Variants in CACNA2D1 observed in about 807,000 individuals in gnomAD.
CACNA2D1 encodes voltage-dependent calcium channel subunit alpha-2/delta-1.
A neutral mutation model predicts 171.5 loss-of-function variants in CACNA2D1; 53 were observed. The ratio of observed to expected loss-of-function variants is 0.31; its 90% CI spans 0.25 to 0.39. The LOEUF (loss-of-function observed/expected upper bound fraction) is 0.39, where lower values mean the gene tolerates loss of function less well. Among genes scored for constraint, CACNA2D1 ranks in the 10% least tolerant of loss-of-function variants. CACNA2D1 has a pLI of 1.00. For missense variants in CACNA2D1, 903 were observed against 1,299.8 expected (o/e 0.69, Z 4.69); for synonymous variants, 442 against 443.1 (o/e 1.00, Z 0.03).
rs200052747 is a variant in CACNA2D1 at position 82,071,476 on chromosome 7, G to A, written c.659-4952C>T. ...ATATTTGGGCAGCAATGGGAATAGG[G>A]TAGAGAAAATAACTGGCATAATTCT... On this transcript the variant is annotated intron_variant, in intron 7 of 38. Transcript: ENST00000356860. Among the ~76,000 whole-genome samples, 3 of 152,224 alleles carry A rather than the reference G, an allele frequency of 2.0e-5. 1 individual carries two copies.
chr7:82,111,442 A>ATTT (rs1228823349), intron 6 of CACNA2D1, among the ~76,000 whole-genome samples: 37 of 98,840 alleles, frequency 3.7e-4, no homozygotes, highest in African/African-American at 7.5e-4. Flanking sequence ...ATATATATAT[A>ATTT]TATTTTTTTT....
At position 82,443,698 on chromosome 7, in the gene CACNA2D1, G is replaced by T. The variant is rs1315825358; in HGVS notation, c.-239C>A. 4.9e-6 allele frequency: 6 copies of T among 1,235,922 alleles called. No homozygotes were observed. In the African/African-American group the frequency reaches 9.3e-5, roughly 19 times the overall value. 76.6% of individuals were successfully genotyped at this position (1,235,922 alleles called of 1,614,324 possible). A position where few individuals can be genotyped will look rare whatever the true frequency, so the allele number is the denominator to read the frequency against. On this transcript the variant is annotated 5_prime_UTR_variant, in exon 1 of 39. Transcript: ENST00000356860. ...CGTGCGTCGGCTGCTCCGCGCCGCG[G>T]CCGCCTTGCCTCCGCCGCCATCAAG...
At chr7:82,233,633 C>A (rs1213726792) in intron 3 of CACNA2D1, among the ~76,000 whole-genome samples, 1 of 152,046 alleles carries the variant, frequency 6.6e-6, no homozygotes, top group Non-Finnish European at 1.5e-5. Context: ...CTAGTAGGGA[C>A]AACCTTTGAA....
chr7:82,115,120 TAC>T (rs2129052124), intron 6 of CACNA2D1, among the ~76,000 whole-genome samples: 1 of 152,318 alleles, frequency 6.6e-6, no homozygotes, highest in African/African-American at 2.4e-5. Context: ...TGCCATGATG[TAC>T]AGAGTACTGA....
chr7:81,993,851 T>A (rs1797791975), intron 20 of CACNA2D1, among the ~76,000 whole-genome samples: 1 of 152,142 alleles, frequency 6.6e-6, no homozygotes. Flanking sequence ...GGAAGAAAAA[T>A]ATCAATGGGA....
At chr7:81,992,761 T>A (rs1797681412) in intron 20 of CACNA2D1, among the ~76,000 whole-genome samples, 3 of 152,222 alleles carry the variant, frequency 2.0e-5, no homozygotes, top group Admixed American at 1.3e-4. Flanking sequence ...AATCTATTTT[T>A]CAACTGCTTT....
chr7:82,155,752 A>G (rs1256347003), intron 4 of CACNA2D1, among the ~76,000 whole-genome samples: 3 of 152,202 alleles, frequency 2.0e-5, no homozygotes, highest in African/African-American at 7.2e-5. Context: ...AAAAAATGAC[A>G]AAGAGTGAAA....
At position 81,983,419 on chromosome 7, in the gene CACNA2D1, CA is replaced by C. The variant is rs1227886357; in HGVS notation, c.1874-86del. ...AGGGGGTCATAAACAATATTTTATTCAATGACTTTCTTGAATAAAAATATTG... is the reference window on the plus strand; with the variant it reads ...AGGGGGTCATAAACAATATTTTATTCATGACTTTCTTGAATAAAAATATTG... On this transcript the variant is annotated intron_variant, in intron 22 of 38. Transcript: ENST00000356860. 7 of 963,358 alleles carry C rather than the reference CA, an allele frequency of 7.3e-6. No homozygotes were observed. In the South Asian group the frequency reaches 9.7e-5, roughly 13 times the overall value. The allele number at this position is 963,358 out of a possible 1,614,324, so 59.7% of individuals were successfully genotyped here.
intron 3 of CACNA2D1, among the ~76,000 whole-genome samples, chr7:82,303,464 A>AT (rs1248719371): frequency 5.9e-5 from 9 of 152,154 alleles, no homozygotes; most frequent in African/African-American, 2.2e-4. Flanking sequence ...AAAAAAAAAA[A>AT]AAAACTCAAG....
intron 3 of CACNA2D1, among the ~76,000 whole-genome samples, chr7:82,179,408 A>G (rs1796889860): frequency 6.6e-6 from 1 of 152,092 alleles, no homozygotes; most frequent in Non-Finnish European, 1.5e-5. Context: ...AATCCCACAA[A>G]ATTAAGTCAC....
intron 3 of CACNA2D1, among the ~76,000 whole-genome samples, chr7:82,228,992 A>G (rs938784732): frequency 1.9e-4 from 29 of 152,198 alleles, no homozygotes; most frequent in African/African-American, 6.3e-4. Context: ...GAGAATGACT[A>G]TTCCATATAT....
At chr7:82,007,636 G>T in intron 16 of CACNA2D1, 43 bp downstream of exon 16, 1 of 1,013,248 alleles carries the variant, frequency 9.9e-7, no homozygotes, top group Non-Finnish European at 1.5e-6. Flanking sequence ...CAACGTCACA[G>T]TTTGTCATTT....
chr7:82,022,053 T>C (rs1392072088), intron 12 of CACNA2D1, among the ~76,000 whole-genome samples: 4 of 152,026 alleles, frequency 2.6e-5, no homozygotes. Flanking sequence ...CTTAACCTCA[T>C]TTTTCATTCA....
chr7:82,130,329 C>T (rs187956829), intron 5 of CACNA2D1, among the ~76,000 whole-genome samples: 7 of 152,070 alleles, frequency 4.6e-5, no homozygotes, highest in South Asian at 2.1e-4. Flanking sequence ...TTATATGTTC[C>T]GCTTAGGGAA....
At chr7:82,085,781 A>T (rs1382149265) in intron 6 of CACNA2D1, among the ~76,000 whole-genome samples, 2 of 152,116 alleles carry the variant, frequency 1.3e-5, no homozygotes, top group Admixed American at 6.6e-5. Context: ...ATAACTAGAA[A>T]CTAATCTTGG....
chr7:82,418,029 C>A (rs1032272608), intron 1 of CACNA2D1, among the ~76,000 whole-genome samples: 1 of 152,134 alleles, frequency 6.6e-6, no homozygotes, highest in African/African-American at 2.4e-5. Context: ...CTGCCCAGGA[C>A]TGGGTAATTT....
At chr7:82,226,444 C>T (rs1044168513) in intron 3 of CACNA2D1, among the ~76,000 whole-genome samples, 2 of 152,176 alleles carry the variant, frequency 1.3e-5, no homozygotes, top group African/African-American at 4.8e-5. Flanking sequence ...TTTCCTATTA[C>T]CCATCCCTTC....
chr7:82,145,393 TTA>T (rs924748157), intron 4 of CACNA2D1, among the ~76,000 whole-genome samples: 31 of 144,776 alleles, frequency 2.1e-4, no homozygotes, highest in African/African-American at 3.5e-4. Context: ...TATATATGTA[TTA>T]TATATATTGC....
chr7:82,064,642 G>GA (rs1807384945), intron 8 of CACNA2D1, among the ~76,000 whole-genome samples: 1 of 151,930 alleles, frequency 6.6e-6, no homozygotes, highest in Admixed American at 6.6e-5. Flanking sequence ...ATTTTTCCTG[G>GA]AAAAACAATT....
Sources: allele counts gnomAD v4.1 joint callset (sites outside exome capture counted in the v4.1 genomes callset), GRCh38; gene constraint gnomAD v4.1.1; transcripts MANE v1.5; gene names NCBI Gene and HGNC (gene_info 2026-07-23, HGNC 2026-07-21).